Variants in CCDC171 observed in about 807,000 individuals in gnomAD.
The protein encoded by CCDC171 is coiled-coil domain-containing protein 171.
Under a neutral mutation model 168.2 loss-of-function variants are expected in CCDC171, and 177 were observed. The observed-to-expected ratio is 1.05, with a 90% CI of 0.93 to 1.19. CCDC171 has a LOEUF of 1.19. Among genes scored for constraint, CCDC171 ranks in the 50% most tolerant of loss-of-function variants. CCDC171 has a pLI of 0.00. For synonymous variants in CCDC171, 687 were observed against 540.8 expected, an observed-to-expected ratio of 1.27 and a Z score of -3.75; for missense variants, 1,991 against 1,539.0, an observed-to-expected ratio of 1.29 and a Z score of -4.91.
At chr9:15,891,067 C>A (rs1025522670) in intron 24 of CCDC171, among the ~76,000 whole-genome samples, 5 of 152,110 alleles carry the variant, frequency 3.3e-5, no homozygotes, top group Non-Finnish European at 7.4e-5. Flanking sequence ...CAAACAAGTA[C>A]ATCAAATTCT....
At chr9:15,825,621 A>C (rs192212328) in intron 21 of CCDC171, among the ~76,000 whole-genome samples, 103 of 152,222 alleles carry the variant, frequency 6.8e-4, no homozygotes, top group African/African-American at 2.4e-3. Flanking sequence ...GGATTGCCCA[A>C]CTTCATTACC....
chr9:15,984,758 A>G (rs1206741259), intron 3 of CCDC171, among the ~76,000 whole-genome samples: 2 of 152,268 alleles, frequency 1.3e-5, no homozygotes, highest in East Asian at 3.9e-4. Flanking sequence ...AATCTGCTCT[A>G]TAAATTTTCC....
At position 15,973,027 on chromosome 9, in the gene CCDC171, G is replaced by C. The variant is rs1321122770; in HGVS notation, c.*1191G>C. The stretch of plus-strand genomic sequence containing the variant: ...TCTGTTGGGTATCGCTAGACAGACT[G>C]TTCTTTATCGCCTTCAGAAGATCAG... On this transcript the variant is annotated 3_prime_UTR_variant, in exon 26 of 26. Transcript: ENST00000380701. 1.3e-5 allele frequency: 2 copies of C among 152,122 alleles called. No individual in the cohort carries two copies. The highest frequency in any genetic ancestry group is 2.4e-5 in the African/African-American group (1 of 41,434). The allele number at this position is 152,122 out of a possible 1,614,324, so 9.4% of individuals were successfully genotyped here. A position where few individuals can be genotyped will look rare whatever the true frequency, so the allele number is the denominator to read the frequency against.
intron 4 of CCDC171, 127 bp downstream of exon 4, chr9:15,579,150 G>A (rs2040918769): frequency 4.4e-6 from 3 of 679,038 alleles, no homozygotes; most frequent in Non-Finnish European, 4.7e-6. Flanking sequence ...GACTTTTGAT[G>A]TACAGACTTA....
chr9:15,910,375 G>C (rs572681702), intron 24 of CCDC171, among the ~76,000 whole-genome samples: 7 of 152,248 alleles, frequency 4.6e-5, no homozygotes, highest in Non-Finnish European at 8.8e-5. Flanking sequence ...TCAGTTGGCT[G>C]TAGGTATGTG....
intron 11 of CCDC171, among the ~76,000 whole-genome samples, chr9:15,720,753 G>A (rs377073591): frequency 1.9e-4 from 29 of 152,168 alleles, no homozygotes; most frequent in Admixed American, 5.9e-4. Context: ...GGTTTGTTCC[G>A]TGTGTATGCA....
At chr9:15,941,226 T>A (rs73411539) in intron 25 of CCDC171, among the ~76,000 whole-genome samples, 2,623 of 152,060 alleles carry the variant, frequency 0.017, 88 homozygotes, top group African/African-American at 0.061. Context: ...TTTAAATATT[T>A]AAAGTTTTTC....
chr9:15,646,984 T>A (rs1231581667), intron 7 of CCDC171, among the ~76,000 whole-genome samples: 3 of 152,174 alleles, frequency 2.0e-5, no homozygotes, highest in African/African-American at 7.2e-5. Context: ...ATTCCAAAAT[T>A]GACCACATAG....
chr9:15,916,099 AAG>A (rs1422177669), intron 24 of CCDC171, among the ~76,000 whole-genome samples: 1 of 151,900 alleles, frequency 6.6e-6, no homozygotes, highest in Non-Finnish European at 1.5e-5. Flanking sequence ...TTTATTATCA[AAG>A]AGAAATAAAT....
intron 2 of CCDC171, among the ~76,000 whole-genome samples, chr9:15,568,650 A>G (rs928085757): frequency 6.6e-6 from 1 of 152,088 alleles, no homozygotes; most frequent in African/African-American, 2.4e-5. Context: ...GCGTTTCTCT[A>G]ATGATCACTG....
At chr9:15,652,593 G>T (rs914642718) in intron 7 of CCDC171, among the ~76,000 whole-genome samples, 1 of 151,896 alleles carries the variant, frequency 6.6e-6, no homozygotes. Context: ...ACCACACTTG[G>T]CTAATTTTTG....
chr9:15,601,997 T>G (rs1437421057), intron 6 of CCDC171, among the ~76,000 whole-genome samples: 1 of 152,192 alleles, frequency 6.6e-6, no homozygotes, highest in African/African-American at 2.4e-5. Context: ...GAATTTAAAA[T>G]TAGGCATCTG....
chr9:15,978,851 A>G (rs1564097804), downstream of CCDC171, among the ~76,000 whole-genome samples: 2 of 152,190 alleles, frequency 1.3e-5, no homozygotes, highest in South Asian at 4.1e-4. Context: ...GAACATTTGT[A>G]TTACCCCAAA....
the CCDC171 span, among the ~76,000 whole-genome samples, chr9:16,085,789 T>C: frequency 1.3e-4 from 20 of 152,340 alleles, no homozygotes; most frequent in Admixed American, 3.9e-4. Flanking sequence ...TGCCCAAGAC[T>C]GTGTGAGACC....
At chr9:15,810,460 C>T (rs532564681) in intron 21 of CCDC171, among the ~76,000 whole-genome samples, 5 of 20,388 alleles carry the variant, frequency 2.5e-4, no homozygotes, top group East Asian at 1.1e-3. Context: ...TGGCGCCTGT[C>T]GGGGAGGCTA....
intron 11 of CCDC171, among the ~76,000 whole-genome samples, chr9:15,719,372 T>C (rs1162758844): frequency 9.2e-6 from 1 of 108,872 alleles, no homozygotes; most frequent in African/African-American, 3.6e-5. Flanking sequence ...CTAAGAGTTA[T>C]TGGCCTTCAA....
intron 21 of CCDC171, among the ~76,000 whole-genome samples, chr9:15,795,534 A>G (rs7860528): frequency 0.48 from 72,635 of 152,042 alleles, 17,538 homozygotes; most frequent in South Asian, 0.54. Flanking sequence ...ACACCAAATG[A>G]TGAGGACTCA....
chr9:15,784,409 C>G (rs1052787990), intron 20 of CCDC171, 100 bp from the exon 21 acceptor site: 1 of 641,610 alleles, frequency 1.6e-6, no homozygotes, highest in Non-Finnish European at 2.5e-6. Context: ...TATCAAGTGC[C>G]TAGAAATGTT....
intron 11 of CCDC171, among the ~76,000 whole-genome samples, chr9:15,706,609 A>G (rs1346613952): frequency 6.6e-6 from 1 of 152,100 alleles, no homozygotes; most frequent in Non-Finnish European, 1.5e-5. Flanking sequence ...TTTTGCTGTG[A>G]GTATTTCTTC....
Sources: allele counts gnomAD v4.1 joint callset (sites outside exome capture counted in the v4.1 genomes callset), GRCh38; gene constraint gnomAD v4.1.1; transcripts MANE v1.5; gene names NCBI Gene and HGNC (gene_info 2026-07-23, HGNC 2026-07-21).